Variants in ARIH2 observed in about 807,000 individuals in gnomAD.
ARIH2 encodes E3 ubiquitin-protein ligase ARIH2.
Under a neutral mutation model 79.8 loss-of-function variants are expected in ARIH2, and 12 were observed. The ratio of observed to expected loss-of-function variants is 0.15; its 90% CI spans 0.10 to 0.24. The LOEUF (loss-of-function observed/expected upper bound fraction) is 0.24. Among genes scored for constraint, ARIH2 ranks in the 10% least tolerant of loss-of-function variants. The pLI is 1.00. For missense variants in ARIH2, 301 were observed against 618.3 expected, an observed-to-expected ratio of 0.49 and a Z score of 5.44; for synonymous variants, 224 against 213.9, an observed-to-expected ratio of 1.05 and a Z score of -0.41.
At chr3:48,976,226 T>TC (rs2092489097) in intron 11 of ARIH2, among the ~76,000 whole-genome samples, 1 of 151,524 alleles carries the variant, frequency 6.6e-6, no homozygotes, top group South Asian at 2.1e-4. Context: ...TTTTTTTTTT[T>TC]TCCAAAGATG....
intron 3 of ARIH2, among the ~76,000 whole-genome samples, chr3:48,958,922 G>A (rs1268552063): frequency 2.0e-5 from 3 of 151,968 alleles, no homozygotes; most frequent in African/African-American, 7.3e-5. Context: ...GGCTGAGCTG[G>A]GAGTATCACT....
chr3:48,956,959 C>T (rs183589188), intron 3 of ARIH2, among the ~76,000 whole-genome samples: 7 of 152,080 alleles, frequency 4.6e-5, no homozygotes, highest in East Asian at 1.9e-4. Flanking sequence ...GTGATCTGCC[C>T]GCCTCGGCCT....
intron 7 of ARIH2, among the ~76,000 whole-genome samples, 155 bp from the exon 8 acceptor site, chr3:48,970,440 T>TG (rs1209774850): frequency 6.6e-6 from 1 of 152,236 alleles, no homozygotes; most frequent in Non-Finnish European, 1.5e-5. Flanking sequence ...AATATCTGGC[T>TG]TACGTTTGGT....
intron 3 of ARIH2, among the ~76,000 whole-genome samples, chr3:48,946,882 A>G (rs1164649940): frequency 6.6e-6 from 1 of 152,140 alleles, no homozygotes; most frequent in African/African-American, 2.4e-5. Context: ...ACTCTTCACA[A>G]TAAACTTTAT....
At chr3:48,979,886 TCAGA>T (rs749650426) in intron 12 of ARIH2, 51 of 389,348 alleles carry the variant, frequency 1.3e-4, no homozygotes, top group Non-Finnish European at 2.0e-4. Context: ...TGAAGGGCCA[TCAGA>T]CAGTCTTTTC....
intron 3 of ARIH2, among the ~76,000 whole-genome samples, chr3:48,937,227 T>C (rs2087281567): frequency 6.6e-6 from 1 of 152,246 alleles, no homozygotes. Flanking sequence ...CCTGGTAAGC[T>C]AACAGTCTCT....
In ARIH2 at chr3:48,927,575, A is replaced by G. The variant is rs775296209; in HGVS notation, c.17A>G (p.Asn6Ser). 1 of 1,613,868 alleles carries G rather than the reference A, an allele frequency of 6.2e-7. No individual in the cohort carries two copies. The highest frequency in any genetic ancestry group is 8.5e-7 in the Non-Finnish European group (1 of 1,180,012). Residue 6 changes from asparagine (N) to serine (S), a missense_variant, in exon 3 of 16, where the codon AAT becomes AGT. By Grantham distance (46) the Asn-to-Ser change is conservative. This residue lies in a region of ARIH2 where 223 missense variants were observed against 349.4 expected (regional missense o/e 0.64). Coordinates refer to ENST00000356401, the MANE Select transcript of ARIH2 (RefSeq NM_006321.4). MSVDM[N>S]SQGSDSNEED... ...GATGCTAAGATGTCAGTGGACATGA[A>G]TAGCCAGGGGTCTGACAGCAATGAA... is the stretch of plus-strand genomic sequence containing the variant.
chr3:48,932,145 G>T (rs1473741846), intron 3 of ARIH2, among the ~76,000 whole-genome samples: 2 of 152,194 alleles, frequency 1.3e-5, no homozygotes, highest in Non-Finnish European at 2.9e-5. Context: ...AGAGGAAGGT[G>T]CCCAGAAAAT....
intron 4 of ARIH2, among the ~76,000 whole-genome samples, chr3:48,962,862 TG>T (rs557842457): frequency 9.9e-5 from 15 of 152,192 alleles, no homozygotes; most frequent in Non-Finnish European, 1.8e-4. Context: ...TCGTATGGTA[TG>T]TTTTTTTTTA....
At chr3:48,972,194 T>C (rs998383553) in intron 8 of ARIH2, among the ~76,000 whole-genome samples, 2 of 152,112 alleles carry the variant, frequency 1.3e-5, no homozygotes, top group African/African-American at 2.4e-5. Flanking sequence ...ATCTTGGGAG[T>C]TGGTAAACAA....
rs1051891526 is a variant in ARIH2, at chr3:48,927,442, T to C, written c.-97-20T>C. The C allele has an allele frequency of 9.5e-7, 1 of 1,049,180 alleles. No individual in the cohort carries two copies. Among genetic ancestry groups the C allele is most frequent in the Non-Finnish European group, 1.3e-6 (1 of 746,238 alleles). The allele number at this position is 1,049,180 out of a possible 1,614,324, so 65.0% of individuals were successfully genotyped here. On this transcript the variant is annotated intron_variant, in intron 2 of 15. Coordinates refer to ENST00000356401, the MANE Select transcript of ARIH2 (RefSeq NM_006321.4). ...TGTCATGGGGAAAAAGTAACACTTA[T>C]TTTTTTTTTCCTCCCTTAGAAGACA...
At position 48,967,194 on chromosome 3, in the gene ARIH2, T is replaced by A; in HGVS notation, c.457T>A (p.Ser153Thr). 6.2e-7 allele frequency: 1 copy of A among 1,614,204 alleles called. No homozygotes were observed. The change falls in exon 6 of 16, where the codon TCT becomes ACT. Residue 153 changes from serine to threonine, a missense_variant. Coordinates refer to ENST00000356401, the MANE Select transcript of ARIH2 (RefSeq NM_006321.4). ...MQFVRKENLL[S>T]LACQHQFCRS... ...GTTTGTGCGAAAGGAAAACCTACTC[T>A]CTCTGGCCTGTCAGCACCAGTTTTG...
intron 7 of ARIH2, among the ~76,000 whole-genome samples, chr3:48,970,141 C>T (rs539467238): frequency 1.3e-5 from 2 of 152,270 alleles, no homozygotes; most frequent in African/African-American, 4.8e-5. Context: ...ATCCACCTGC[C>T]TCGGCCTCCC....
At chr3:48,969,523 G>A (rs1449539756) in intron 7 of ARIH2, among the ~76,000 whole-genome samples, 3 of 143,600 alleles carry the variant, frequency 2.1e-5, no homozygotes, top group East Asian at 2.0e-4. Flanking sequence ...GTTTTACTCT[G>A]TCATCCAGGC....
chr3:48,953,901 C>T (rs1576357886), intron 3 of ARIH2, among the ~76,000 whole-genome samples: 1 of 151,930 alleles, frequency 6.6e-6, no homozygotes, highest in East Asian at 1.9e-4. Context: ...TGGTGGCTCA[C>T]ACCTGTAATC....
chr3:48,958,914 C>A (rs752494266), intron 3 of ARIH2, among the ~76,000 whole-genome samples: 6 of 152,054 alleles, frequency 3.9e-5, no homozygotes, highest in Non-Finnish European at 7.4e-5. Context: ...ACTCAGGAGG[C>A]TGAGCTGGGA....
chr3:48,985,961 A>T lies in ARIH2; in HGVS notation c.*2691A>T, dbSNP rs1656583783. 1 of 152,270 alleles carries T rather than the reference A, an allele frequency of 6.6e-6. No individual in the cohort carries two copies. The highest frequency in any genetic ancestry group is 6.5e-5 in the Admixed American group (1 of 15,292). 9.4% of individuals were successfully genotyped at this position (152,270 alleles called of 1,614,324 possible). A position where few individuals can be genotyped will look rare whatever the true frequency, so the allele number is the denominator to read the frequency against. Reference sequence around the variant, plus strand: ...CAGCTTCACGGGAGCCCTAAGGGTTATGAAGAGACAACTTGGGGCAGAAAC... The same window carrying T: ...CAGCTTCACGGGAGCCCTAAGGGTTTTGAAGAGACAACTTGGGGCAGAAAC... On this transcript the variant is annotated 3_prime_UTR_variant, in exon 16 of 16. Coordinates refer to ENST00000356401, the MANE Select transcript of ARIH2 (RefSeq NM_006321.4).
rs200585584 is a variant in ARIH2, at chr3:48,973,723, C to T, written c.795C>T (p.His265=). 22 of 1,613,800 alleles carry T rather than the reference C, an allele frequency of 1.4e-5. No individual in the cohort carries two copies. Among genetic ancestry groups the T allele is most frequent in the Admixed American group, 3.3e-5 (2 of 59,988 alleles). ...GTTTCAAGTGTCGTCAGATGTATCA[C>T]GCACCCACAGACTGTGCCACAATCC... The part of the protein sequence containing the change: ...VFCFKCRQMY[H]APTDCATIRK... Residue 265 remains histidine (H), a synonymous_variant, in exon 9 of 16, where the codon CAC becomes CAT. Transcript: ENST00000356401.
At chr3:48,955,057 G>T (rs573633601) in intron 3 of ARIH2, among the ~76,000 whole-genome samples, 1 of 152,160 alleles carries the variant, frequency 6.6e-6, no homozygotes. Context: ...AAATAGCTGG[G>T]CGTGGTGTTG....
Sources: allele counts gnomAD v4.1 joint callset (sites outside exome capture counted in the v4.1 genomes callset), GRCh38; gene constraint gnomAD v4.1.1; regional missense constraint gnomAD v4.1.1; transcripts MANE v1.5; gene names NCBI Gene and HGNC (gene_info 2026-07-23, HGNC 2026-07-21).